DOP1B: variants seen among roughly 807,000 people sequenced by gnomAD.
DOP1B encodes the protein DOP1 leucine zipper like protein B.
In DOP1B, 174 loss-of-function variants were observed where a neutral mutation model predicts 233.5. The observed-to-expected ratio is 0.75, with a 90% CI of 0.66 to 0.85. The LOEUF is 0.85. Ranked by LOEUF, DOP1B falls within the 40% of genes least tolerant of loss-of-function variation. The pLI is 0.00. For synonymous variants in DOP1B, 1,190 were observed against 1,185.6 expected, an observed-to-expected ratio of 1.00 and a Z score of -0.08; for missense variants, 2,652 against 2,846.6, an observed-to-expected ratio of 0.93 and a Z score of 1.56.
chr21:36,209,015 G>T, intron 5 of DOP1B, 111 bp downstream of exon 5: 1 of 1,238,704 alleles, frequency 8.1e-7, no homozygotes, highest in Non-Finnish European at 1.1e-6. Context: ...AAAGGGAGGT[G>T]CACCAAGCTT....
In DOP1B at chr21:36,181,256, A is replaced by G. The variant is rs189235316; in HGVS notation, c.138+16385A>G. ...CAGCTCTCTTCTACACGGTCATTCC[A>G]GAAACTCAAGCTAGGACTCTGTCTT... On this transcript the variant is annotated intron_variant, in intron 2 of 36. Coordinates refer to ENST00000691173, the MANE Select transcript of DOP1B (RefSeq NM_001320714.2). 9.0e-4 allele frequency among the ~76,000 whole-genome samples: 136 copies of G among 151,900 alleles called. 2 individuals carry two copies. Among genetic ancestry groups the G allele is most frequent in the Admixed American group, 8.3e-3 (126 of 15,260 alleles).
chr21:36,187,206 CTTCCCCTCCT>C (rs2066174684), intron 2 of DOP1B, among the ~76,000 whole-genome samples: 1 of 148,748 alleles, frequency 6.7e-6, no homozygotes, highest in African/African-American at 2.5e-5. Context: ...CCTCCCCTCC[CTTCCCCTCCT>C]CTCCCCTCCC....
intron 1 of DOP1B, among the ~76,000 whole-genome samples, chr21:36,160,477 C>CTTTTTT (rs5843748): frequency 1.6e-5 from 2 of 122,802 alleles, no homozygotes; most frequent in Admixed American, 8.5e-5. Flanking sequence ...TTTAAGTTTT[C>CTTTTTT]TTTTTTTTTT....
intron 9 of DOP1B, among the ~76,000 whole-genome samples, chr21:36,215,481 A>ACTTTCCC (rs1391546453): frequency 6.6e-6 from 1 of 150,986 alleles, no homozygotes; most frequent in Non-Finnish European, 1.5e-5. Context: ...GCTCACTAAA[A>ACTTTCCC]CCTCTGTCTC....
At chr21:36,262,338 A>G (rs1461260089) in intron 24 of DOP1B, among the ~76,000 whole-genome samples, 1 of 152,210 alleles carries the variant, frequency 6.6e-6, no homozygotes, top group Admixed American at 6.5e-5. Context: ...GAAACCGCCT[A>G]GGTCACACAA....
rs750730233 is a variant in DOP1B, at chr21:36,200,505, C to T, written c.491+4C>T. 4 of 1,600,018 alleles carry T rather than the reference C, an allele frequency of 2.5e-6. No individual in the cohort carries two copies. Among genetic ancestry groups the T allele is most frequent in the African/African-American group, 2.7e-5 (2 of 74,498 alleles). On this transcript the variant is annotated splice_donor_region_variant and intron_variant, in intron 4 of 36. Coordinates refer to ENST00000691173, the MANE Select transcript of DOP1B (RefSeq NM_001320714.2). ...AGGGCTCCGAGATCTCCGACAGGTG[C>T]GTGGGCGTCTTGTCCAGGCTGTGTT...
chr21:36,240,061 A>T, intron 18 of DOP1B, 106 bp downstream of exon 18: 1 of 1,275,956 alleles, frequency 7.8e-7, no homozygotes. Context: ...GTTTTGTTAG[A>T]TGCAAATGGT....
At chr21:36,276,878 CAGAG>C (rs1247961979) in intron 27 of DOP1B, 139 bp from the exon 28 acceptor site, 1 of 573,796 alleles carries the variant, frequency 1.7e-6, no homozygotes, top group Non-Finnish European at 3.0e-6. Flanking sequence ...TGAAAGTTAA[CAGAG>C]AGGAATACCT....
At chr21:36,174,314 C>T (rs965530900) in intron 2 of DOP1B, among the ~76,000 whole-genome samples, 5 of 152,048 alleles carry the variant, frequency 3.3e-5, no homozygotes, top group Non-Finnish European at 4.4e-5. Flanking sequence ...ATGGCGAAAC[C>T]CCGTCTCTAC....
chr21:36,182,831 AAAG>A (rs1316990546), intron 2 of DOP1B, among the ~76,000 whole-genome samples: 2 of 152,212 alleles, frequency 1.3e-5, no homozygotes, highest in Admixed American at 6.5e-5. Flanking sequence ...CTTGTCTAAA[AAAG>A]AAGAGTCAAT....
At chr21:36,188,240 TTGTTTACATAGGAG>T (rs1028271651) in intron 2 of DOP1B, among the ~76,000 whole-genome samples, 1 of 152,234 alleles carries the variant, frequency 6.6e-6, no homozygotes, top group Non-Finnish European at 1.5e-5. Flanking sequence ...AGGAAGCTCC[TTGTTTACATAGGAG>T]TTATAGCAGC....
intron 2 of DOP1B, among the ~76,000 whole-genome samples, chr21:36,196,242 C>G (rs1338624870): frequency 1.3e-5 from 2 of 152,232 alleles, no homozygotes; most frequent in African/African-American, 4.8e-5. Flanking sequence ...CAGGTCAAGA[C>G]AGCTTTTAGC....
chr21:36,292,324 TTCGCTTACTGCAGCC>T, intron 36 of DOP1B, 91 bp downstream of exon 36: 1 of 1,040,188 alleles, frequency 9.6e-7, no homozygotes, highest in South Asian at 1.8e-5. Flanking sequence ...TGGTGCGGTC[TTCGCTTACTGCAGCC>T]TCCACCTCCC....
rs1415991471 is a variant in DOP1B at position 36,182,597 on chromosome 21, G to A, written c.139-16473G>A. On this transcript the variant is annotated intron_variant, in intron 2 of 36. Coordinates refer to ENST00000691173, the MANE Select transcript of DOP1B (RefSeq NM_001320714.2). ...ATCTATAATCCCAGCACTTGGCTGA[G>A]GCGGGAGGACAGCTTGAGGCCAGGA... Among the ~76,000 whole-genome samples the A allele has an allele frequency of 3.3e-5, 5 of 152,156 alleles. No homozygotes were observed. In the East Asian group the frequency reaches 9.6e-4, roughly 29 times the overall value.
intron 32 of DOP1B, among the ~76,000 whole-genome samples, chr21:36,285,721 A>AGAGG (rs2067474098): frequency 6.6e-6 from 1 of 152,052 alleles, no homozygotes; most frequent in Non-Finnish European, 1.5e-5. Context: ...CCCAATTAAA[A>AGAGG]GAGGCAGGAG....
chr21:36,164,710 A>G lies in DOP1B; in HGVS notation c.-24A>G, dbSNP rs886715024. 19 of 1,540,538 alleles carry G rather than the reference A, an allele frequency of 1.2e-5. No individual in the cohort carries two copies. In the African/African-American group the frequency reaches 2.5e-4, roughly 21 times the overall value. ...GTTATTTTTTGATTTGCTTTTAGATACTTTTCTGCTGTGAGAATGTAAGAT... is the reference window on the plus strand; with the variant it reads ...GTTATTTTTTGATTTGCTTTTAGATGCTTTTCTGCTGTGAGAATGTAAGAT... On this transcript the variant is annotated splice_region_variant and 5_prime_UTR_variant, in exon 2 of 37. In the 5' UTR this introduces an upstream ATG that the reference lacks. Coordinates refer to ENST00000691173, the MANE Select transcript of DOP1B (RefSeq NM_001320714.2).
chr21:36,241,501 A>ATTT (rs2066890926), intron 18 of DOP1B, among the ~76,000 whole-genome samples: 1 of 129,114 alleles, frequency 7.7e-6, no homozygotes, highest in Non-Finnish European at 1.6e-5. Context: ...ATTTATCTTA[A>ATTT]TCTTTTTTTT....
intron 2 of DOP1B, among the ~76,000 whole-genome samples, chr21:36,195,210 A>C (rs1020745115): frequency 2.6e-5 from 4 of 151,938 alleles, no homozygotes; most frequent in Admixed American, 2.6e-4. Flanking sequence ...GTGTGGTGGC[A>C]CATGCCTGTA....
intron 26 of DOP1B, among the ~76,000 whole-genome samples, chr21:36,264,694 G>T (rs1404581227): frequency 1.3e-5 from 2 of 151,926 alleles, no homozygotes; most frequent in Non-Finnish European, 2.9e-5. Flanking sequence ...TCTGGTCTCA[G>T]ACTCCTGACC....
Sources: gnomAD v4.1 joint callset for allele counts (sites outside exome capture counted in the v4.1 genomes callset) on GRCh38, gnomAD v4.1.1 for gene constraint, MANE v1.5 for transcripts, NCBI Gene and HGNC (gene_info 2026-07-23, HGNC 2026-07-21) for gene names.